HS3ST5: variants seen among roughly 807,000 people sequenced by gnomAD.
HS3ST5 encodes heparan sulfate glucosamine 3-O-sulfotransferase 5.
A neutral mutation model predicts 25.4 loss-of-function variants in HS3ST5; 10 were observed. That is an observed-to-expected ratio of 0.39 (90% confidence interval 0.24 to 0.67). The LOEUF is 0.67. Ranked by LOEUF, HS3ST5 falls within the 30% of genes least tolerant of loss-of-function variation. The pLI is 0.44. For synonymous variants in HS3ST5, 170 were observed against 162.4 expected, an observed-to-expected ratio of 1.05 and a Z score of -0.36; for missense variants, 324 against 420.7, an observed-to-expected ratio of 0.77 and a Z score of 2.01.
chr6:114,145,315 T>C (rs903114185), intron 3 of HS3ST5, among the ~76,000 whole-genome samples: 5 of 152,198 alleles, frequency 3.3e-5, no homozygotes, highest in Admixed American at 2.6e-4. Flanking sequence ...TCTCCAGGAA[T>C]AGAGTTTCTT....
chr6:114,135,735 C>G (rs1777564995), intron 3 of HS3ST5, among the ~76,000 whole-genome samples: 1 of 152,194 alleles, frequency 6.6e-6, no homozygotes, highest in Non-Finnish European at 1.5e-5. Flanking sequence ...TTGCACATGC[C>G]AGGCATAGTG....
At chr6:114,187,679 C>G (rs1482574924) in intron 2 of HS3ST5, among the ~76,000 whole-genome samples, 2 of 152,158 alleles carry the variant, frequency 1.3e-5, no homozygotes, top group Admixed American at 1.3e-4. Flanking sequence ...AAAGCAGCAG[C>G]AGGGGTTGAG....
chr6:114,113,246 T>C (rs148268826), intron 3 of HS3ST5, among the ~76,000 whole-genome samples: 1 of 152,270 alleles, frequency 6.6e-6, no homozygotes, highest in Non-Finnish European at 1.5e-5. Flanking sequence ...TCTATGGCCT[T>C]AGTAATTTTT....
intron 3 of HS3ST5, among the ~76,000 whole-genome samples, chr6:114,073,569 C>G (rs928390666): frequency 2.0e-5 from 3 of 152,162 alleles, no homozygotes; most frequent in Admixed American, 1.3e-4. Context: ...CAGAGAAATG[C>G]AGATCAAAAC....
At chr6:114,220,049 T>C (rs1418646171) in intron 2 of HS3ST5, among the ~76,000 whole-genome samples, 4 of 152,074 alleles carry the variant, frequency 2.6e-5, no homozygotes, top group Non-Finnish European at 5.9e-5. Context: ...TCTCTAAAGT[T>C]ATACATATTT....
chr6:114,246,868 T>C (rs551158791), intron 1 of HS3ST5, among the ~76,000 whole-genome samples: 2 of 152,178 alleles, frequency 1.3e-5, no homozygotes, highest in South Asian at 4.2e-4. Context: ...AAACTGTTAC[T>C]TTATCTACAC....
At chr6:114,067,175 C>T (rs565841883) in intron 3 of HS3ST5, among the ~76,000 whole-genome samples, 73 of 152,226 alleles carry the variant, frequency 4.8e-4, no homozygotes, top group Middle Eastern at 3.4e-3. Context: ...ATCTTGATCT[C>T]GGTGGATGTG....
chr6:114,142,759 G>A (rs1407309443), intron 3 of HS3ST5: 1 of 152,110 alleles, frequency 6.6e-6, no homozygotes, highest in African/African-American at 2.4e-5. Flanking sequence ...CCATACCAAG[G>A]TTTTCCTGTA....
chr6:114,301,979 C>T (rs1419535270), intron 1 of HS3ST5, among the ~76,000 whole-genome samples: 4 of 152,192 alleles, frequency 2.6e-5, no homozygotes, highest in Non-Finnish European at 5.9e-5. Flanking sequence ...TAGATCTTCG[C>T]TGGCTTTCAA....
Position 114,118,839 on chromosome 6 carries a change from C to T in HS3ST5, c.-33+49512G>A, listed in dbSNP as rs148021501. ...TGTTACCTCTAGGTGAGAGCTTTAACAGTTGGTGTGAAATGTGGGTCTCTT... is the reference window on the plus strand; with the variant it reads ...TGTTACCTCTAGGTGAGAGCTTTAATAGTTGGTGTGAAATGTGGGTCTCTT... On this transcript the variant is annotated intron_variant, in intron 3 of 4. Coordinates refer to ENST00000312719, the MANE Select transcript of HS3ST5 (RefSeq NM_153612.4). 2.3e-3 allele frequency among the ~76,000 whole-genome samples: 351 copies of T among 152,214 alleles called. 1 individual carries two copies. The highest frequency in any genetic ancestry group is 8.1e-3 in the African/African-American group (338 of 41,532).
chr6:114,276,942 T>C (rs1179937611), intron 1 of HS3ST5, among the ~76,000 whole-genome samples: 1 of 152,112 alleles, frequency 6.6e-6, no homozygotes, highest in East Asian at 1.9e-4. Context: ...TTGGAAGATA[T>C]TATGATCATC....
chr6:114,293,328 T>C (rs1187032668), intron 1 of HS3ST5, among the ~76,000 whole-genome samples: 4 of 152,138 alleles, frequency 2.6e-5, no homozygotes, highest in African/African-American at 9.7e-5. Flanking sequence ...GGAAAGTGGT[T>C]TTACATGATA....
At chr6:114,080,620 T>G (rs7742088) in intron 3 of HS3ST5, among the ~76,000 whole-genome samples, 2,058 of 152,310 alleles carry the variant, frequency 0.014, 46 homozygotes, top group African/African-American at 0.048. Context: ...AATGAAACCA[T>G]GTTCTTTGCA....
At chr6:114,179,423 T>C (rs1779860657) in intron 2 of HS3ST5, among the ~76,000 whole-genome samples, 1 of 152,184 alleles carries the variant, frequency 6.6e-6, no homozygotes, top group Admixed American at 6.5e-5. Flanking sequence ...GACAAAGGCA[T>C]TATTATCTCT....
At chr6:114,257,020 G>A (rs555001480) in intron 1 of HS3ST5, among the ~76,000 whole-genome samples, 2 of 152,324 alleles carry the variant, frequency 1.3e-5, no homozygotes, top group Non-Finnish European at 2.9e-5. Flanking sequence ...ACCAGGTAAA[G>A]GGGTTTCCCC....
intron 2 of HS3ST5, among the ~76,000 whole-genome samples, chr6:114,217,333 C>G (rs1189839488): frequency 6.6e-6 from 1 of 152,146 alleles, no homozygotes; most frequent in Non-Finnish European, 1.5e-5. Flanking sequence ...AAAGCAACCA[C>G]TATCCTGAGA....
intron 3 of HS3ST5, among the ~76,000 whole-genome samples, chr6:114,120,217 C>G (rs955454143): frequency 9.9e-5 from 15 of 152,044 alleles, no homozygotes; most frequent in African/African-American, 3.6e-4. Context: ...GACAAGCCCC[C>G]AGTAGCATTT....
intron 1 of HS3ST5, among the ~76,000 whole-genome samples, chr6:114,245,627 C>T (rs1298416617): frequency 2.6e-5 from 4 of 152,148 alleles, no homozygotes; most frequent in East Asian, 1.9e-4. Context: ...ATAATTTCAA[C>T]GGACACTGTG....
At chr6:114,187,491 T>G (rs1315775599) in intron 2 of HS3ST5, among the ~76,000 whole-genome samples, 1 of 152,190 alleles carries the variant, frequency 6.6e-6, no homozygotes, top group Non-Finnish European at 1.5e-5. Context: ...AAGTGGAGCC[T>G]GAAGATGTGA....
Sources: allele counts gnomAD v4.1 joint callset (sites outside exome capture counted in the v4.1 genomes callset), GRCh38; gene constraint gnomAD v4.1.1; transcripts MANE v1.5; gene names NCBI Gene and HGNC (gene_info 2026-07-23, HGNC 2026-07-21).